The following TCF4 variants were observed in gnomAD, a reference collection of about 807,000 sequenced individuals.
The protein encoded by TCF4 is transcription factor 4.
In TCF4, 3 loss-of-function variants were observed where a neutral mutation model predicts 82.1. The observed-to-expected ratio is 0.04, with a 90% CI of 0.02 to 0.09. The LOEUF is 0.09. Among genes scored for constraint, TCF4 ranks in the 10% least tolerant of loss-of-function variants. The pLI is 1.00. For synonymous variants in TCF4, 276 were observed against 309.6 expected (o/e 0.89, Z 1.14); for missense variants, 518 against 852.7 (o/e 0.61, Z 4.89).
intron 3 of TCF4, among the ~76,000 whole-genome samples, chr18:55,473,019 G>A (rs2958180): frequency 0.98 from 149,744 of 152,334 alleles, 73,659 homozygotes; most frequent in Middle Eastern, 1. Flanking sequence ...ATGTAATTAC[G>A]TGTGTATTTT....
intron 5 of TCF4, among the ~76,000 whole-genome samples, chr18:55,439,148 C>T (rs2095389567): frequency 6.6e-6 from 1 of 152,172 alleles, no homozygotes; most frequent in Non-Finnish European, 1.5e-5. Flanking sequence ...AGGGCAAAAA[C>T]TTCATGAATT....
chr18:55,440,774 G>T (rs72928911), intron 5 of TCF4, among the ~76,000 whole-genome samples: 1 of 151,992 alleles, frequency 6.6e-6, no homozygotes, highest in Non-Finnish European at 1.5e-5. Context: ...CTCTTTCTTC[G>T]TAAGTAATTG....
At chr18:55,404,001 C>A in intron 5 of TCF4, 2 of 1,218,470 alleles carry the variant, frequency 1.6e-6, no homozygotes, top group Non-Finnish European at 2.1e-6. Flanking sequence ...GAGTCTCTCT[C>A]TCTCTCTCTT....
At chr18:55,383,961 A>ACC (rs1349629690) in intron 6 of TCF4, 2 of 152,186 alleles carry the variant, frequency 1.3e-5, no homozygotes, top group African/African-American at 4.8e-5. Context: ...AACCCCACGA[A>ACC]CAATCACTAC....
intron 3 of TCF4, among the ~76,000 whole-genome samples, chr18:55,474,306 T>A (rs17596267): frequency 0.035 from 5,338 of 152,270 alleles, 126 homozygotes; most frequent in African/African-American, 0.037. Context: ...ATCAGAATTG[T>A]AAGAGAATGA....
intron 17 of TCF4, 147 bp from the exon 18 acceptor site, chr18:55,229,223 G>C: frequency 1.2e-6 from 1 of 862,840 alleles, no homozygotes; most frequent in Non-Finnish European, 1.9e-6. Flanking sequence ...CTTGACCTTG[G>C]GATTGGTTTA....
chr18:55,306,725 C>T (rs1188698637), intron 8 of TCF4, among the ~76,000 whole-genome samples: 1 of 152,180 alleles, frequency 6.6e-6, no homozygotes, highest in African/African-American at 2.4e-5. Flanking sequence ...GTATAATTAT[C>T]TTCATTACAG....
chr18:55,274,095 T>C (rs1568609331), intron 10 of TCF4, among the ~76,000 whole-genome samples: 1 of 152,158 alleles, frequency 6.6e-6, no homozygotes. Flanking sequence ...TCCTTGCTCA[T>C]AGGACACATA....
intron 6 of TCF4, chr18:55,401,726 A>G (rs1254912311): frequency 1.8e-5 from 18 of 986,068 alleles, no homozygotes; most frequent in Non-Finnish European, 2.2e-5. Flanking sequence ...AAGGGGCCTC[A>G]CGCTTACTCA....
intron 5 of TCF4, among the ~76,000 whole-genome samples, chr18:55,407,209 G>A (rs2094136073): frequency 6.6e-6 from 1 of 152,146 alleles, no homozygotes; most frequent in Non-Finnish European, 1.5e-5. Context: ...TGCATGAAAT[G>A]AATATGACCT....
At chr18:55,486,880 T>G (rs779861448) in intron 3 of TCF4, among the ~76,000 whole-genome samples, 1 of 152,126 alleles carries the variant, frequency 6.6e-6, no homozygotes, top group Non-Finnish European at 1.5e-5. Flanking sequence ...ACTGCAGCCT[T>G]TGCCAACCCC....
chr18:55,523,502 T>C (rs2096951115), intron 3 of TCF4, among the ~76,000 whole-genome samples: 1 of 151,956 alleles, frequency 6.6e-6, no homozygotes, highest in Non-Finnish European at 1.5e-5. Context: ...AATCTAAAAT[T>C]GCATACATAT....
intron 15 of TCF4, among the ~76,000 whole-genome samples, chr18:55,242,196 C>T (rs906640767): frequency 6.6e-6 from 1 of 152,166 alleles, no homozygotes; most frequent in Non-Finnish European, 1.5e-5. Context: ...TGTCACCTCA[C>T]GAGCTCACTA....
chr18:55,261,406 C>T (rs2058059328), intron 12 of TCF4, 60 bp downstream of exon 12: 1 of 1,586,256 alleles, frequency 6.3e-7, no homozygotes, highest in East Asian at 2.2e-5. Flanking sequence ...ATGTCCACTT[C>T]TGATTAAAGT....
chr18:55,326,359 T>C (rs1334391018), intron 8 of TCF4, among the ~76,000 whole-genome samples: 1 of 132,262 alleles, frequency 7.6e-6, no homozygotes, highest in African/African-American at 3.0e-5. Flanking sequence ...TTGTGTCTCC[T>C]CTGCTGTTTC....
chr18:55,519,901 T>C (rs1213848757), intron 3 of TCF4, among the ~76,000 whole-genome samples: 2 of 152,170 alleles, frequency 1.3e-5, no homozygotes, highest in Non-Finnish European at 2.9e-5. Flanking sequence ...TAAATGATTC[T>C]AAAAAGAAGA....
chr18:55,353,332 G>GCATC (rs1180146339), intron 6 of TCF4, among the ~76,000 whole-genome samples: 1 of 152,106 alleles, frequency 6.6e-6, no homozygotes, highest in African/African-American at 2.4e-5. Context: ...AATAAATCAC[G>GCATC]CATCCAACTC....
intron 5 of TCF4, among the ~76,000 whole-genome samples, chr18:55,444,951 C>T (rs1053179248): frequency 6.6e-6 from 1 of 152,130 alleles, no homozygotes; most frequent in Non-Finnish European, 1.5e-5. Flanking sequence ...TTACCAAGTC[C>T]AACCATTTCC....
intron 3 of TCF4, among the ~76,000 whole-genome samples, chr18:55,584,718 GA>G (rs995787741): frequency 8.8e-5 from 13 of 147,898 alleles, no homozygotes; most frequent in Non-Finnish European, 1.0e-4. Context: ...AATCGTTAGG[GA>G]AAAAAAAACA....
Sources: gnomAD v4.1 joint callset for allele counts (sites outside exome capture counted in the v4.1 genomes callset) on GRCh38, gnomAD v4.1.1 for gene constraint, MANE v1.5 for transcripts, NCBI Gene and HGNC (gene_info 2026-07-23, HGNC 2026-07-21) for gene names.